The following RRAD variants were observed in gnomAD, a reference collection of about 807,000 sequenced individuals.
The protein encoded by RRAD is GTP-binding protein RAD.
RRAD carries 15 observed loss-of-function variants against 24.7 expected under a neutral mutation model. The observed-to-expected ratio is 0.61, with a 90% CI of 0.41 to 0.93. The LOEUF is 0.93. Ranked by LOEUF, RRAD falls within the 40% of genes least tolerant of loss-of-function variation. The pLI is 0.00. For missense variants in RRAD, 438 were observed against 452.2 expected, an observed-to-expected ratio of 0.97 and a Z score of 0.29; for synonymous variants, 180 against 189.8, an observed-to-expected ratio of 0.95 and a Z score of 0.43.
In RRAD at chr16:66,924,125, C is replaced by T. The variant is rs1015424856; in HGVS notation, c.371-206G>A. On this transcript the variant is annotated intron_variant, in intron 2 of 4. Transcript: ENST00000299759. The surrounding 1 kb of genome is among the most constrained non-coding windows in gnomAD (Gnocchi z 4.2). ...GGTGTGCCTGACCTCCACCCACATGCCCCCCCTGGGGACCTTGGCCACCTA... is the reference window on the plus strand; with the variant it reads ...GGTGTGCCTGACCTCCACCCACATGTCCCCCCTGGGGACCTTGGCCACCTA... 1.3e-5 allele frequency among the ~76,000 whole-genome samples: 2 copies of T among 152,074 alleles called. No individual in the cohort carries two copies. Among genetic ancestry groups the T allele is most frequent in the Non-Finnish European group, 2.9e-5 (2 of 67,994 alleles).
In RRAD at chr16:66,924,050, G is replaced by A. The variant is rs1164988199; in HGVS notation, c.371-131C>T. On this transcript the variant is annotated intron_variant, in intron 2 of 4. Transcript: ENST00000299759. This position sits in a 1 kb window ranked among gnomAD's most constrained non-coding sequence, Gnocchi z 4.2. ...ACCCTCCACTCCACTTGCAGATGCT[G>A]GTATGTGGCAACAGCAGTGCCAGGC... 1 of 760,158 alleles carries A rather than the reference G, an allele frequency of 1.3e-6. No homozygotes were observed. The highest frequency in any genetic ancestry group is 2.3e-6 in the Non-Finnish European group (1 of 425,746). The allele number at this position is 760,158 out of a possible 1,614,324, so 47.1% of individuals were successfully genotyped here.
Position 66,923,454 on chromosome 16 carries a change from A to G in RRAD, c.649+62T>C, listed in dbSNP as rs1377538174. The G allele has an allele frequency of 2.2e-6, 3 of 1,390,190 alleles. No individual in the cohort carries two copies. In the African/African-American group the frequency reaches 4.3e-5, roughly 20 times the overall value. The allele number at this position is 1,390,190 out of a possible 1,614,324, so 86.1% of individuals were successfully genotyped here. On this transcript the variant is annotated intron_variant, in intron 4 of 4. Coordinates refer to ENST00000299759, the MANE Select transcript of RRAD (RefSeq NM_004165.3). The surrounding 1 kb of genome is among the most constrained non-coding windows in gnomAD (Gnocchi z 4.9). ...ATCCCCAGGGACTCAAGCTGAGCCAAGACTGCCTGGATCAGGGCCCAGCTG... is the reference window on the plus strand; with the variant it reads ...ATCCCCAGGGACTCAAGCTGAGCCAGGACTGCCTGGATCAGGGCCCAGCTG...
Position 66,923,319 on chromosome 16 carries a change from G to A in RRAD, c.649+197C>T, listed in dbSNP as rs1041135171. Among the ~76,000 whole-genome samples the A allele has an allele frequency of 7.2e-5, 11 of 152,138 alleles. No homozygotes were observed. The highest frequency in any genetic ancestry group is 7.2e-4 in the Admixed American group (11 of 15,286). ...GGTGCCCAGCTCCCCTATCAGATTT[G>A]GTTCTTTCCCCAGCCCTCTGGGGCC... is the stretch of plus-strand genomic sequence containing the variant. On this transcript the variant is annotated intron_variant, in intron 4 of 4. Coordinates refer to ENST00000299759, the MANE Select transcript of RRAD (RefSeq NM_004165.3). This position sits in a 1 kb window ranked among gnomAD's most constrained non-coding sequence, Gnocchi z 4.9.
rs1241728275 is a variant in RRAD at position 66,923,734 on chromosome 16, A to G, written c.445-14T>C. ...GCGGCCCCCGTCCTGGAGAACACAC[A>G]ACACACATCTGCCCAACAGTCCTCA... On this transcript the variant is annotated splice_polypyrimidine_tract_variant and intron_variant, in intron 3 of 4. Coordinates refer to ENST00000299759, the MANE Select transcript of RRAD (RefSeq NM_004165.3). This position sits in a 1 kb window ranked among gnomAD's most constrained non-coding sequence, Gnocchi z 4.9. 2 of 1,613,792 alleles carry G rather than the reference A, an allele frequency of 1.2e-6. No homozygotes were observed. The highest frequency in any genetic ancestry group is 1.7e-5 in the Admixed American group (1 of 60,000).
rs1372965084 is a variant in RRAD, at chr16:66,922,009, G to C, written c.*67C>G. 1 of 1,460,872 alleles carries C rather than the reference G, an allele frequency of 6.8e-7. No homozygotes were observed. Among genetic ancestry groups the C allele is most frequent in the Non-Finnish European group, 9.4e-7 (1 of 1,067,366 alleles). 90.5% of individuals were successfully genotyped at this position (1,460,872 alleles called of 1,614,324 possible). A position where few individuals can be genotyped will look rare whatever the true frequency, so the allele number is the denominator to read the frequency against. ...TCTGAGCCTGCTCTGAGGCACCCGG[G>C]GCAGTTGGCTGGGCCAGCCCACCAA... On this transcript the variant is annotated 3_prime_UTR_variant, in exon 5 of 5. Coordinates refer to ENST00000299759, the MANE Select transcript of RRAD (RefSeq NM_004165.3).
In RRAD at chr16:66,921,737, G is replaced by A. The variant is rs941585926; in HGVS notation, c.*339C>T. The A allele has an allele frequency of 3.0e-5, 8 of 263,012 alleles. No individual in the cohort carries two copies. Among genetic ancestry groups the A allele is most frequent in the Non-Finnish European group, 4.3e-5 (6 of 139,278 alleles). The allele number at this position is 263,012 out of a possible 1,614,324, so 16.3% of individuals were successfully genotyped here. A position where few individuals can be genotyped will look rare whatever the true frequency, so the allele number is the denominator to read the frequency against. On this transcript the variant is annotated 3_prime_UTR_variant, in exon 5 of 5. Coordinates refer to ENST00000299759, the MANE Select transcript of RRAD (RefSeq NM_004165.3). ...ATCTGCATGTAAACAAATAGCTACC[G>A]CACTGAAGAGCCTCCCTCCAGGGCA...
At position 66,922,292 on chromosome 16, in the gene RRAD, G is replaced by A. The variant is rs1363197199; in HGVS notation, c.711C>T (p.His237=). The A allele has an allele frequency of 6.2e-7, 1 of 1,611,726 alleles. No individual in the cohort carries two copies. Among genetic ancestry groups the A allele is most frequent in the Non-Finnish European group, 8.5e-7 (1 of 1,178,304 alleles). ...CKFIETSAAL[H]HNVQALFEGV... is the part of the protein sequence containing the mutation. ...CTTCAAACAGCGCCTGGACATTGTGGTGCAATGCCGCTGATGTCTCAATGA... is the reference window on the plus strand; with the variant it reads ...CTTCAAACAGCGCCTGGACATTGTGATGCAATGCCGCTGATGTCTCAATGA... The change falls in exon 5 of 5, where the codon CAC becomes CAT. Residue 237 remains histidine, a synonymous_variant. Coordinates refer to ENST00000299759, the MANE Select transcript of RRAD (RefSeq NM_004165.3).
rs1250407135 is a variant in RRAD, at chr16:66,925,051, G to T, written c.129C>A (p.Asp43Glu). The T allele has an allele frequency of 5.3e-6, 7 of 1,324,640 alleles. No individual in the cohort carries two copies. The highest frequency in any genetic ancestry group is 6.7e-6 in the Non-Finnish European group (7 of 1,037,310). 82.1% of individuals were successfully genotyped at this position (1,324,640 alleles called of 1,614,324 possible). Residue 43 changes from aspartate to glutamate, a missense_variant, in exon 2 of 5, where the codon GAC becomes GAA. Coordinates refer to ENST00000299759, the MANE Select transcript of RRAD (RefSeq NM_004165.3). The surrounding 1 kb of genome is among the most constrained non-coding windows in gnomAD (Gnocchi z 5.2). ...TCAGCGCCGCCTGCAGGTCGCGCTC[G>T]TCCACCGGCATGCTGCGGCGGTGCA... is the stretch of plus-strand genomic sequence containing the variant. ...PPLHRRSMPV[D>E]ERDLQAALTP... is the part of the protein sequence containing the mutation.
rs200255053 is a variant in RRAD at position 66,922,058 on chromosome 16, A to G, written c.*18T>C. ...AACCCTTCCGTTCGTCTCCCACCAT[A>G]GTGGGAGCGGGTGGGACCTAGAGAA... On this transcript the variant is annotated 3_prime_UTR_variant, in exon 5 of 5. Coordinates refer to ENST00000299759, the MANE Select transcript of RRAD (RefSeq NM_004165.3). 1.0e-5 allele frequency: 16 copies of G among 1,588,052 alleles called. No individual in the cohort carries two copies. The Middle Eastern group carries it at 6.6e-4, about 66-fold the overall frequency.
At position 66,923,583 on chromosome 16, in the gene RRAD, ATC is replaced by A; in HGVS notation, c.580_581del (p.Asp194Ter). The A allele has an allele frequency of 6.2e-7, 1 of 1,612,502 alleles. No homozygotes were observed. The highest frequency in any genetic ancestry group is 8.5e-7 in the Non-Finnish European group (1 of 1,179,874). ...RVQLRRARQT[D>X]DVPIILVGNK... ...TGCCCACGAGGATGATGGGCACATC[ATC>A]TGTTTGCCGTGCACGCCGCAGCTGG... On this transcript the variant is annotated frameshift_variant, in exon 4 of 5. Transcript: ENST00000299759. LOFTEE classifies it high-confidence loss of function. The surrounding 1 kb of genome is among the most constrained non-coding windows in gnomAD (Gnocchi z 4.9).
Position 66,921,904 on chromosome 16 carries a change from A to G in RRAD, c.*172T>C, listed in dbSNP as rs1398421644. On this transcript the variant is annotated 3_prime_UTR_variant, in exon 5 of 5. Coordinates refer to ENST00000299759, the MANE Select transcript of RRAD (RefSeq NM_004165.3). ...CAGCCCTCACTGGCCCCTGAGAGCCACTTCGCAGGGCAGCACTGTCTATCT... is the reference window on the plus strand; with the variant it reads ...CAGCCCTCACTGGCCCCTGAGAGCCGCTTCGCAGGGCAGCACTGTCTATCT... The G allele has an allele frequency of 3.3e-6, 2 of 605,524 alleles. No individual in the cohort carries two copies. The highest frequency in any genetic ancestry group is 1.8e-5 in the African/African-American group (1 of 54,114). 37.5% of individuals were successfully genotyped at this position (605,524 alleles called of 1,614,324 possible).
rs1261344781 is a variant in RRAD at position 66,921,901 on chromosome 16, G to T, written c.*175C>A. The T allele has an allele frequency of 1.7e-6, 1 of 601,638 alleles. No homozygotes were observed. 37.3% of individuals were successfully genotyped at this position (601,638 alleles called of 1,614,324 possible). A position where few individuals can be genotyped will look rare whatever the true frequency, so the allele number is the denominator to read the frequency against. ...GCCCAGCCCTCACTGGCCCCTGAGA[G>T]CCACTTCGCAGGGCAGCACTGTCTA... On this transcript the variant is annotated 3_prime_UTR_variant, in exon 5 of 5. Transcript: ENST00000299759.
rs771685074 is a variant in RRAD, at chr16:66,923,899, T to G, written c.391A>C (p.Ile131Leu). The G allele has an allele frequency of 6.2e-7, 1 of 1,614,060 alleles. No individual in the cohort carries two copies. The highest frequency in any genetic ancestry group is 8.5e-7 in the Non-Finnish European group (1 of 1,179,970). The part of the protein sequence containing the change: ...EAAGHTYDRS[I>L]VVDGEEASLM... ...GATGCCTCTTCTCCGTCCACTACAA[T>G]GGAGCGATCATAGGTGTGCCCTAGG... The change falls in exon 3 of 5, where the codon ATT (isoleucine) becomes CTT (leucine). Residue 131 changes from isoleucine (I) to leucine (L), a missense_variant. Ile to Leu is a conservative substitution (Grantham distance 5). Coordinates refer to ENST00000299759, the MANE Select transcript of RRAD (RefSeq NM_004165.3). The surrounding 1 kb of genome is among the most constrained non-coding windows in gnomAD (Gnocchi z 4.9).
In RRAD at chr16:66,922,192, G is replaced by T. The variant is rs762263207; in HGVS notation, c.811C>A (p.Arg271=). The change falls in exon 5 of 5, where the codon CGA becomes AGA. Residue 271 remains arginine (R), a synonymous_variant. Transcript: ENST00000299759. Reference sequence around the variant, plus strand: ...TTCGCCTTTTTGCCAAGGCTCTCTCGCCTCCGGGTGCCTGCTTGCCGTCGT... The same window carrying T: ...TTCGCCTTTTTGCCAAGGCTCTCTCTCCTCCGGGTGCCTGCTTGCCGTCGT... The part of the protein sequence containing the change: ...NARRQAGTRR[R]ESLGKKAKRF... 1.9e-6 allele frequency: 3 copies of T among 1,614,222 alleles called. No individual in the cohort carries two copies. Among genetic ancestry groups the T allele is most frequent in the Non-Finnish European group, 2.5e-6 (3 of 1,180,016 alleles).
chr16:66,924,673 T>TGATAA lies in RRAD; in HGVS notation c.370+136_370+137insTTATC. 1.4e-6 allele frequency: 1 copy of TGATAA among 702,740 alleles called. No individual in the cohort carries two copies. The highest frequency in any genetic ancestry group is 3.7e-5 in the East Asian group (1 of 27,324). 43.5% of individuals were successfully genotyped at this position (702,740 alleles called of 1,614,324 possible). On this transcript the variant is annotated intron_variant, in intron 2 of 4. Coordinates refer to ENST00000299759, the MANE Select transcript of RRAD (RefSeq NM_004165.3). The surrounding 1 kb of genome is among the most constrained non-coding windows in gnomAD (Gnocchi z 4.2). ...AGAGCGAAACTCTGTCTCAAAATAA[T>TGATAA]AATAAAATAATAATAATAATAATAA...
chr16:66,922,367 G>A lies in RRAD; in HGVS notation c.650-14C>T. 6.4e-7 allele frequency: 1 copy of A among 1,573,558 alleles called. No homozygotes were observed. Among genetic ancestry groups the A allele is most frequent in the Non-Finnish European group, 8.6e-7 (1 of 1,156,402 alleles). Reference sequence around the variant, plus strand: ...AGGCCCGGCCCTCTGTGTGGGTGGGGAAAGGCAGGCACCAGTAAACAAAGG... The same window carrying A: ...AGGCCCGGCCCTCTGTGTGGGTGGGAAAAGGCAGGCACCAGTAAACAAAGG... On this transcript the variant is annotated splice_polypyrimidine_tract_variant and intron_variant, in intron 4 of 4. Coordinates refer to ENST00000299759, the MANE Select transcript of RRAD (RefSeq NM_004165.3).
Position 66,923,604 on chromosome 16 carries a change from C to T in RRAD, c.561G>A (p.Leu187=). 1 of 1,613,952 alleles carries T rather than the reference C, an allele frequency of 6.2e-7. No individual in the cohort carries two copies. Among genetic ancestry groups the T allele is most frequent in the Non-Finnish European group, 8.5e-7 (1 of 1,180,020 alleles). Residue 187 remains leucine, a synonymous_variant, in exon 4 of 5, where the codon CTG becomes CTA. Coordinates refer to ENST00000299759, the MANE Select transcript of RRAD (RefSeq NM_004165.3). This position sits in a 1 kb window ranked among gnomAD's most constrained non-coding sequence, Gnocchi z 4.9. Reference sequence around the variant, plus strand: ...CATCATCTGTTTGCCGTGCACGCCGCAGCTGGACCCGCAGTTCTGAGGCCT... The same window carrying T: ...CATCATCTGTTTGCCGTGCACGCCGTAGCTGGACCCGCAGTTCTGAGGCCT... ...FEKASELRVQ[L]RRARQTDDVP...
Position 66,923,901 on chromosome 16 carries a change from G to T in RRAD, c.389C>A (p.Ser130Tyr). Reference protein sequence around the residue: ...AEAAGHTYDRSIVVDGEEASL... With the variant: ...AEAAGHTYDRYIVVDGEEASL... ...TGCCTCTTCTCCGTCCACTACAATG[G>T]AGCGATCATAGGTGTGCCCTAGGCA... is the stretch of plus-strand genomic sequence containing the variant. Residue 130 changes from serine to tyrosine, a missense_variant, in exon 3 of 5, where the codon TCC (serine) becomes TAC (tyrosine). Coordinates refer to ENST00000299759, the MANE Select transcript of RRAD (RefSeq NM_004165.3). The surrounding 1 kb of genome is among the most constrained non-coding windows in gnomAD (Gnocchi z 4.9). 6.2e-7 allele frequency: 1 copy of T among 1,614,062 alleles called. No individual in the cohort carries two copies. Among genetic ancestry groups the T allele is most frequent in the Non-Finnish European group, 8.5e-7 (1 of 1,179,968 alleles).
At position 66,923,443 on chromosome 16, in the gene RRAD, A is replaced by G; in HGVS notation, c.649+73T>C. The G allele has an allele frequency of 2.4e-6, 3 of 1,269,442 alleles. No homozygotes were observed. The highest frequency in any genetic ancestry group is 3.3e-6 in the Non-Finnish European group (3 of 904,580). The allele number at this position is 1,269,442 out of a possible 1,614,324, so 78.6% of individuals were successfully genotyped here. A position where few individuals can be genotyped will look rare whatever the true frequency, so the allele number is the denominator to read the frequency against. ...AGCCTCTGATGATCCCCAGGGACTC[A>G]AGCTGAGCCAAGACTGCCTGGATCA... On this transcript the variant is annotated intron_variant, in intron 4 of 4. Coordinates refer to ENST00000299759, the MANE Select transcript of RRAD (RefSeq NM_004165.3). The surrounding 1 kb of genome is among the most constrained non-coding windows in gnomAD (Gnocchi z 4.9).
Sources: gnomAD v4.1 joint callset for allele counts (sites outside exome capture counted in the v4.1 genomes callset) on GRCh38, gnomAD v4.1.1 for gene constraint, Gnocchi (gnomAD v3.1) non-coding constraint, MANE v1.5 for transcripts, NCBI Gene and HGNC (gene_info 2026-07-23, HGNC 2026-07-21) for gene names.